BICC1: variants seen among roughly 807,000 people sequenced by gnomAD.
The protein encoded by BICC1 is protein bicaudal C homolog 1.
A neutral mutation model predicts 111.0 loss-of-function variants in BICC1; 43 were observed. The ratio of observed to expected loss-of-function variants is 0.39; its 90% CI spans 0.30 to 0.50. The LOEUF is 0.50. Ranked by LOEUF, BICC1 falls within the 20% of genes least tolerant of loss-of-function variation. The probability of loss-of-function intolerance (pLI) is 0.88; values close to 1 mark genes in which losing one functional copy is unlikely to be tolerated. For missense variants in BICC1, 1,091 were observed against 1,203.2 expected, an observed-to-expected ratio of 0.91 and a Z score of 1.38; for synonymous variants, 467 against 434.4, an observed-to-expected ratio of 1.07 and a Z score of -0.93.
chr10:58,701,805 T>TC lies in BICC1; in HGVS notation c.238-269_238-268insC, dbSNP rs369005331. Among the ~76,000 whole-genome samples, 366 of 152,258 alleles carry TC rather than the reference T, an allele frequency of 2.4e-3. 2 individuals carry two copies. The highest frequency in any genetic ancestry group is 8.2e-3 in the African/African-American group (340 of 41,560). ...AATTACTTGTTCATGTACTTTTTGG[T>TC]TTGTGTCTATGTTAAAATTCTGAAG... On this transcript the variant is annotated intron_variant, in intron 2 of 20. Transcript: ENST00000373886.
intron 1 of BICC1, among the ~76,000 whole-genome samples, chr10:58,566,052 G>T (rs1362182031): frequency 1.3e-5 from 2 of 151,992 alleles, no homozygotes; most frequent in Non-Finnish European, 2.9e-5. Context: ...TTCCATTCCT[G>T]AGTTACTTCA....
At position 58,777,584 on chromosome 10, in the gene BICC1, A is replaced by T. The variant is rs1224103048; in HGVS notation, c.308-7417A>T. Among the ~76,000 whole-genome samples the T allele has an allele frequency of 2.6e-5, 4 of 152,130 alleles. No homozygotes were observed. In the East Asian group the frequency reaches 7.7e-4, roughly 29 times the overall value. On this transcript the variant is annotated intron_variant, in intron 3 of 20. Coordinates refer to ENST00000373886, the MANE Select transcript of BICC1 (RefSeq NM_001080512.3). Reference sequence around the variant, plus strand: ...GCCTGAAGTATTCATTACTGTAGCGATGAGGGCACCTGCTCCCCAATCATT... The same window carrying T: ...GCCTGAAGTATTCATTACTGTAGCGTTGAGGGCACCTGCTCCCCAATCATT...
At chr10:58,723,678 C>A (rs562166129) in intron 3 of BICC1, among the ~76,000 whole-genome samples, 2 of 152,218 alleles carry the variant, frequency 1.3e-5, no homozygotes, top group South Asian at 4.1e-4. Context: ...GGGCTGGAGT[C>A]ATAATAAGCT....
intron 3 of BICC1, among the ~76,000 whole-genome samples, chr10:58,722,295 C>T (rs1027621855): frequency 1.3e-5 from 2 of 152,184 alleles, no homozygotes; most frequent in Non-Finnish European, 2.9e-5. Flanking sequence ...GAAGCCCTGG[C>T]TTTCCTTAGC....
intron 2 of BICC1, among the ~76,000 whole-genome samples, chr10:58,699,114 G>T (rs1438538831): frequency 6.6e-6 from 1 of 152,192 alleles, no homozygotes; most frequent in Non-Finnish European, 1.5e-5. Context: ...CTAATTACTG[G>T]CAATTTGTTT....
intron 1 of BICC1, among the ~76,000 whole-genome samples, chr10:58,565,816 A>T (rs1843738039): frequency 2.0e-5 from 3 of 152,076 alleles, no homozygotes; most frequent in Non-Finnish European, 2.9e-5. Context: ...TATATTTTTT[A>T]AAAATCCTTT....
chr10:58,704,282 G>A (rs1375866081), intron 3 of BICC1, among the ~76,000 whole-genome samples: 1 of 152,136 alleles, frequency 6.6e-6, no homozygotes, highest in Non-Finnish European at 1.5e-5. Flanking sequence ...AAGTGTTATG[G>A]ATGTATATAG....
chr10:58,712,327 G>T (rs1840601588), intron 3 of BICC1, among the ~76,000 whole-genome samples: 1 of 152,174 alleles, frequency 6.6e-6, no homozygotes, highest in African/African-American at 2.4e-5. Context: ...GTTACCATAT[G>T]ATGCAGCTGT....
intron 2 of BICC1, among the ~76,000 whole-genome samples, chr10:58,643,274 G>A (rs1158590393): frequency 1.3e-5 from 2 of 152,226 alleles, no homozygotes; most frequent in Non-Finnish European, 2.9e-5. Context: ...TTATGTGACA[G>A]CTGTATGTGT....
chr10:58,544,618 TACAC>T (rs1413980532), intron 1 of BICC1, among the ~76,000 whole-genome samples: 2 of 152,178 alleles, frequency 1.3e-5, no homozygotes, highest in African/African-American at 4.8e-5. Flanking sequence ...GTGTTACAAA[TACAC>T]ACTAACAGGA....
At chr10:58,748,780 C>G (rs1335551162) in intron 3 of BICC1, among the ~76,000 whole-genome samples, 1 of 152,152 alleles carries the variant, frequency 6.6e-6, no homozygotes, top group Non-Finnish European at 1.5e-5. Context: ...GCCCTACCCC[C>G]TGAGACTCTA....
At chr10:58,802,523 G>T (rs112426622) in intron 14 of BICC1, among the ~76,000 whole-genome samples, 1 of 152,010 alleles carries the variant, frequency 6.6e-6, no homozygotes, top group Non-Finnish European at 1.5e-5. Flanking sequence ...GCACTTTTAC[G>T]CTCTGCCTGT....
intron 1 of BICC1, 33 bp downstream of exon 1, chr10:58,513,366 CT>C: frequency 6.5e-7 from 1 of 1,541,922 alleles, no homozygotes; most frequent in Non-Finnish European, 8.8e-7. Context: ...GACTCTCCGA[CT>C]GAGCCTCTAA....
chr10:58,539,136 T>A (rs1375943903), intron 1 of BICC1, among the ~76,000 whole-genome samples: 2 of 151,780 alleles, frequency 1.3e-5, no homozygotes, highest in Non-Finnish European at 2.9e-5. Flanking sequence ...GGAATCAACC[T>A]AAATACCCAT....
chr10:58,563,218 CAT>C (rs1218345360), intron 1 of BICC1, among the ~76,000 whole-genome samples: 22 of 152,140 alleles, frequency 1.4e-4, no homozygotes, highest in Admixed American at 3.3e-4. Flanking sequence ...GGTAGTAGCT[CAT>C]CTCTCAATAT....
intron 2 of BICC1, among the ~76,000 whole-genome samples, chr10:58,625,831 A>G (rs898618969): frequency 6.6e-6 from 1 of 152,140 alleles, no homozygotes; most frequent in African/African-American, 2.4e-5. Flanking sequence ...GAGTCCTTTT[A>G]TTGAGGGGCA....
chr10:58,558,515 C>G (rs899929473), intron 1 of BICC1, among the ~76,000 whole-genome samples: 2 of 151,974 alleles, frequency 1.3e-5, no homozygotes, highest in African/African-American at 4.8e-5. Context: ...GTTGCTTGTT[C>G]GGTGTAAAAC....
In BICC1 at chr10:58,759,908, G is replaced by A. The variant is rs184496084; in HGVS notation, c.308-25093G>A. On this transcript the variant is annotated intron_variant, in intron 3 of 20. Transcript: ENST00000373886. ...TGGGAGGCGGAGCTTGCAGTGAGCC[G>A]AGATCGCGCTACCACACTCCAGCCT... 4.4e-3 allele frequency among the ~76,000 whole-genome samples: 657 copies of A among 150,854 alleles called. 3 individuals are homozygous for A. Among genetic ancestry groups the A allele is most frequent in the Non-Finnish European group, 7.9e-3 (533 of 67,814 alleles).
At chr10:58,797,845 T>C (rs991666571) in intron 10 of BICC1, among the ~76,000 whole-genome samples, 1 of 152,168 alleles carries the variant, frequency 6.6e-6, no homozygotes, top group Admixed American at 6.5e-5. Context: ...AGTATTTTTT[T>C]CTGAGGAAAT....
Sources: gnomAD v4.1 joint callset for allele counts (sites outside exome capture counted in the v4.1 genomes callset) on GRCh38, gnomAD v4.1.1 for gene constraint, MANE v1.5 for transcripts, NCBI Gene and HGNC (gene_info 2026-07-23, HGNC 2026-07-21) for gene names.